Variants in SGCZ observed in about 807,000 individuals in gnomAD.
SGCZ encodes the protein sarcoglycan zeta, also known as zeta-sarcoglycan.
A neutral mutation model predicts 41.3 loss-of-function variants in SGCZ; 40 were observed. The observed-to-expected ratio is 0.97, with a 90% CI of 0.75 to 1.26. The LOEUF is 1.26. Ranked by LOEUF, SGCZ falls within the 50% of genes most tolerant of loss-of-function variation. The probability of loss-of-function intolerance (pLI) is 0.00; values close to 1 mark genes in which losing one functional copy is unlikely to be tolerated. For synonymous variants in SGCZ, 206 were observed against 137.5 expected, an observed-to-expected ratio of 1.50 and a Z score of -3.49; for missense variants, 552 against 369.8, an observed-to-expected ratio of 1.49 and a Z score of -4.04.
At position 14,973,394 on chromosome 8, in the gene SGCZ, G is replaced by A. The variant is rs940099548; in HGVS notation, c.39+264191C>T. 3.9e-5 allele frequency among the ~76,000 whole-genome samples: 6 copies of A among 152,114 alleles called. No homozygotes were observed. In the East Asian group the frequency reaches 7.7e-4, roughly 20 times the overall value. Reference sequence around the variant, plus strand: ...CCTTGCTGGTTGGTAAAGCCAACTAGCAAACATAAGTGGGCCCATGCTTTT... The same window carrying A: ...CCTTGCTGGTTGGTAAAGCCAACTAACAAACATAAGTGGGCCCATGCTTTT... On this transcript the variant is annotated intron_variant, in intron 1 of 7. Transcript: ENST00000382080.
chr8:14,914,584 C>A (rs17470219), intron 1 of SGCZ, among the ~76,000 whole-genome samples: 1,647 of 152,034 alleles, frequency 0.011, 14 homozygotes, highest in Middle Eastern at 0.054. Context: ...TAGTCATAGC[C>A]CATACATTCT....
intron 1 of SGCZ, among the ~76,000 whole-genome samples, chr8:14,633,467 G>A (rs914561493): frequency 4.0e-5 from 6 of 151,810 alleles, no homozygotes; most frequent in Non-Finnish European, 7.4e-5. Flanking sequence ...AGTTATTTCA[G>A]CAAAATAAAT....
intron 2 of SGCZ, among the ~76,000 whole-genome samples, chr8:14,478,938 T>C (rs996926444): frequency 2.0e-5 from 3 of 152,204 alleles, no homozygotes; most frequent in Non-Finnish European, 4.4e-5. Flanking sequence ...CATTCTGTTC[T>C]CTCTCGTTTT....
intron 4 of SGCZ, among the ~76,000 whole-genome samples, chr8:14,178,375 C>T (rs1804618414): frequency 6.6e-6 from 1 of 152,198 alleles, no homozygotes; most frequent in African/African-American, 2.4e-5. Context: ...TAGCAACTGC[C>T]TTACTCAAAA....
chr8:14,307,363 A>AT, intron 3 of SGCZ, among the ~76,000 whole-genome samples: 1 of 152,266 alleles, frequency 6.6e-6, no homozygotes, highest in East Asian at 1.9e-4. Context: ...CAAAACTTCT[A>AT]TTTGCATATC....
intron 1 of SGCZ, among the ~76,000 whole-genome samples, chr8:14,895,756 T>C (rs1805172648): frequency 1.3e-5 from 2 of 152,160 alleles, no homozygotes; most frequent in African/African-American, 2.4e-5. Flanking sequence ...AAATTGCAAA[T>C]GTAGATGCAG....
chr8:14,352,861 A>T (rs770474769), intron 2 of SGCZ, among the ~76,000 whole-genome samples: 5 of 152,098 alleles, frequency 3.3e-5, no homozygotes, highest in Non-Finnish European at 5.9e-5. Flanking sequence ...ACACCTAAAC[A>T]GCCTTAATTT....
At chr8:14,094,059 A>C (rs1801769710) in intron 7 of SGCZ, among the ~76,000 whole-genome samples, 1 of 151,846 alleles carries the variant, frequency 6.6e-6, no homozygotes, top group African/African-American at 2.4e-5. Flanking sequence ...TTACAAACCC[A>C]CCTCCCAACA....
At chr8:15,203,078 C>A (rs1800946033) in intron 1 of SGCZ, among the ~76,000 whole-genome samples, 1 of 151,930 alleles carries the variant, frequency 6.6e-6, no homozygotes, top group African/African-American at 2.4e-5. Flanking sequence ...TCATGGCACT[C>A]AACCCTGGGT....
At chr8:14,351,781 C>G (rs1233276580) in intron 2 of SGCZ, among the ~76,000 whole-genome samples, 1 of 151,926 alleles carries the variant, frequency 6.6e-6, no homozygotes, top group Non-Finnish European at 1.5e-5. Context: ...GTTCAAATGT[C>G]TTAACTATTT....
intron 1 of SGCZ, among the ~76,000 whole-genome samples, chr8:14,897,469 G>A (rs1298903267): frequency 6.6e-6 from 1 of 152,140 alleles, no homozygotes; most frequent in East Asian, 1.9e-4. Flanking sequence ...GTTCTGGACG[G>A]TTTGGCTCTT....
intron 1 of SGCZ, among the ~76,000 whole-genome samples, chr8:14,806,244 A>G (rs1416165181): frequency 1.3e-5 from 2 of 151,534 alleles, no homozygotes; most frequent in Non-Finnish European, 2.9e-5. Flanking sequence ...GCAGAACTGA[A>G]GGAAATAGAG....
chr8:14,977,100 G>C (rs1424621650), intron 1 of SGCZ, among the ~76,000 whole-genome samples: 1 of 152,092 alleles, frequency 6.6e-6, no homozygotes, highest in Non-Finnish European at 1.5e-5. Flanking sequence ...TCCTTTTCAC[G>C]GAAAGTATTT....
At chr8:14,757,917 T>C (rs1459460721) in intron 1 of SGCZ, among the ~76,000 whole-genome samples, 1 of 152,200 alleles carries the variant, frequency 6.6e-6, no homozygotes, top group Non-Finnish European at 1.5e-5. Context: ...CCTTTAAATG[T>C]GTTAAATAGT....
At chr8:14,767,469 C>G (rs117408641) in intron 1 of SGCZ, among the ~76,000 whole-genome samples, 2,086 of 152,242 alleles carry the variant, frequency 0.014, 37 homozygotes, top group South Asian at 0.057. Flanking sequence ...ATCAATTTTA[C>G]TCTAGCATTT....
intron 2 of SGCZ, 44 bp downstream of exon 2, chr8:14,554,688 T>C (rs765461737): frequency 4.8e-5 from 73 of 1,531,184 alleles, no homozygotes; most frequent in African/African-American, 1.4e-5. Flanking sequence ...CTAGATTGTC[T>C]CTGAACCAAG....
chr8:14,651,076 G>A (rs1266372321), intron 1 of SGCZ, among the ~76,000 whole-genome samples: 1 of 151,866 alleles, frequency 6.6e-6, no homozygotes, highest in African/African-American at 2.4e-5. Flanking sequence ...TGAATAATTA[G>A]CAGCTATGTA....
intron 5 of SGCZ, among the ~76,000 whole-genome samples, chr8:14,143,578 G>C (rs1264913751): frequency 6.6e-6 from 1 of 152,172 alleles, no homozygotes; most frequent in Non-Finnish European, 1.5e-5. Context: ...GGTAGAGCAA[G>C]ATAGCAGACA....
At chr8:14,606,474 C>A (rs1805752958) in intron 1 of SGCZ, among the ~76,000 whole-genome samples, 1 of 152,154 alleles carries the variant, frequency 6.6e-6, no homozygotes, top group African/African-American at 2.4e-5. Flanking sequence ...GAGAACTTCT[C>A]AGCATTCTGG....
Sources: gnomAD v4.1 joint callset for allele counts (sites outside exome capture counted in the v4.1 genomes callset) on GRCh38, gnomAD v4.1.1 for gene constraint, MANE v1.5 for transcripts, NCBI Gene and HGNC (gene_info 2026-07-23, HGNC 2026-07-21) for gene names.